The following KLRG2 variants were observed in gnomAD, a reference collection of about 807,000 sequenced individuals.
The protein encoded by KLRG2 is killer cell lectin-like receptor subfamily G member 2.
KLRG2 carries 39 observed loss-of-function variants against 35.4 expected under a neutral mutation model. That is an observed-to-expected ratio of 1.10 (90% CI 0.85 to 1.44). KLRG2 has a LOEUF of 1.44. Among genes scored for constraint, KLRG2 ranks in the 40% most tolerant of loss-of-function variants. The pLI is 0.00. For synonymous variants in KLRG2, 283 were observed against 265.8 expected (o/e 1.06, Z -0.63); for missense variants, 632 against 570.9 (o/e 1.11, Z -1.09).
chr7:139,482,899 G>A lies in KLRG2; in HGVS notation c.744C>T (p.Ala248=). ...GLDGDEKLPR[A]VTLTGLPMYV... ...GTGAGCACTCACCCGTAAGCGTTAC[G>A]GCCCGGGGCAGCTTCTCGTCGCCGT... The change falls in exon 1 of 5, where the codon GCC becomes GCT. Residue 248 remains alanine (A), a synonymous_variant. Coordinates refer to ENST00000340940, the MANE Select transcript of KLRG2 (RefSeq NM_198508.4). The A allele has an allele frequency of 6.7e-7, 1 of 1,482,858 alleles. No individual in the cohort carries two copies. Among genetic ancestry groups the A allele is most frequent in the Non-Finnish European group, 8.9e-7 (1 of 1,128,174 alleles). 91.9% of individuals were successfully genotyped at this position (1,482,858 alleles called of 1,614,324 possible). A position where few individuals can be genotyped will look rare whatever the true frequency, so the allele number is the denominator to read the frequency against.
chr7:139,454,114 TG>T lies in KLRG2; in HGVS notation c.1105del (p.Gln369SerfsTer64). The part of the protein sequence containing the change: ...HWIDEAPLPP[Q>X]LLPEDGEDNL... ...AGAAAAGCCCGTGGTCACTCACAGC[TG>T]GGGCGGGAGTGGGGCCTCGTCGATC... On this transcript the variant is annotated frameshift_variant, in exon 4 of 5. Coordinates refer to ENST00000340940, the MANE Select transcript of KLRG2 (RefSeq NM_198508.4). LOFTEE classifies it low-confidence loss of function (END_TRUNC). 1.3e-6 allele frequency: 2 copies of T among 1,524,392 alleles called. No individual in the cohort carries two copies. Among genetic ancestry groups the T allele is most frequent in the Non-Finnish European group, 8.9e-7 (1 of 1,123,202 alleles). The allele number at this position is 1,524,392 out of a possible 1,614,324, so 94.4% of individuals were successfully genotyped here. A position where few individuals can be genotyped will look rare whatever the true frequency, so the allele number is the denominator to read the frequency against.
At chr7:139,429,976 A>T in the KLRG2 span, among the ~76,000 whole-genome samples, 3 of 151,886 alleles carry the variant, frequency 2.0e-5, no homozygotes, top group African/African-American at 7.3e-5. Context: ...GACCCCCCCC[A>T]TATGGGTGTT....
intron 3 of KLRG2, among the ~76,000 whole-genome samples, chr7:139,463,272 C>A (rs193272095): frequency 3.3e-5 from 5 of 152,288 alleles, no homozygotes; most frequent in Non-Finnish European, 7.3e-5. Flanking sequence ...ATTCTTAATA[C>A]GCATTTTATT....
chr7:139,433,325 T>C, the KLRG2 span, among the ~76,000 whole-genome samples: 15 of 151,832 alleles, frequency 9.9e-5, no homozygotes, highest in African/African-American at 3.4e-4. Context: ...TTTTTTTGTT[T>C]GTTTGTTTGT....
rs1243543784 is a variant in KLRG2 at position 139,453,434 on chromosome 7, C to A, written c.*153G>T. On this transcript the variant is annotated 3_prime_UTR_variant, in exon 5 of 5. Transcript: ENST00000340940. ...CGGATGCATCTTCCTGGGTTGAAGT[C>A]CAGCTCCTAGGCTCGCTCATGTGGC... 2 of 744,160 alleles carry A rather than the reference C, an allele frequency of 2.7e-6. No homozygotes were observed. The highest frequency in any genetic ancestry group is 1.8e-5 in the African/African-American group (1 of 56,152). 46.1% of individuals were successfully genotyped at this position (744,160 alleles called of 1,614,324 possible).
At chr7:139,479,895 GA>G (rs1796925338) in intron 2 of KLRG2, 123 bp from the exon 3 acceptor site, 1 of 1,177,624 alleles carries the variant, frequency 8.5e-7, no homozygotes, top group Non-Finnish European at 1.2e-6. Context: ...GGGCCCCAGG[GA>G]GCTTTTATAG....
intron 3 of KLRG2, among the ~76,000 whole-genome samples, chr7:139,462,437 C>A (rs1400905901): frequency 2.6e-5 from 4 of 151,488 alleles, no homozygotes; most frequent in Non-Finnish European, 5.9e-5. Flanking sequence ...GGGGGGCAAG[C>A]ATCCCCCCAC....
At chr7:139,478,783 ACTC>A (rs569719256) in intron 3 of KLRG2, among the ~76,000 whole-genome samples, 61 of 151,612 alleles carry the variant, frequency 4.0e-4, no homozygotes, top group African/African-American at 1.5e-3. Context: ...GCAAACATCC[ACTC>A]CTCTCCCTCT....
chr7:139,451,464 T>C (rs1796374193), downstream of KLRG2, among the ~76,000 whole-genome samples: 2 of 152,048 alleles, frequency 1.3e-5, no homozygotes, highest in South Asian at 4.2e-4. Flanking sequence ...AGTGACACTG[T>C]GCTCCAGCCT....
rs554006466 is a variant in KLRG2 at position 139,457,813 on chromosome 7, T to C, written c.1006-3599A>G. On this transcript the variant is annotated intron_variant, in intron 3 of 4. Transcript: ENST00000340940. ...TTCCTTGCGTTTGAGACTCCTGATC[T>C]CATTGTTAGCAAAAATGGTGGTGTA... Among the ~76,000 whole-genome samples the C allele has an allele frequency of 3.3e-5, 5 of 152,200 alleles. No individual in the cohort carries two copies. In the South Asian group the frequency reaches 1.0e-3, roughly 32 times the overall value.
intron 3 of KLRG2, among the ~76,000 whole-genome samples, chr7:139,470,168 C>T (rs1216601837): frequency 6.6e-6 from 1 of 151,988 alleles, no homozygotes; most frequent in Admixed American, 6.6e-5. Flanking sequence ...AGCGATTCTC[C>T]TGCCCCAGCC....
At chr7:139,461,082 C>G (rs1235342616) in intron 3 of KLRG2, among the ~76,000 whole-genome samples, 1 of 152,092 alleles carries the variant, frequency 6.6e-6, no homozygotes, top group Non-Finnish European at 1.5e-5. Context: ...TATTTTGTCT[C>G]TACTAAAAAA....
chr7:139,472,762 G>A (rs887836341), intron 3 of KLRG2, among the ~76,000 whole-genome samples: 1 of 152,102 alleles, frequency 6.6e-6, no homozygotes, highest in Non-Finnish European at 1.5e-5. Context: ...AGCCCCCAAA[G>A]CTTAAGTATT....
At chr7:139,450,188 A>T (rs1447993991), downstream of KLRG2, among the ~76,000 whole-genome samples, 2 of 144,606 alleles carry the variant, frequency 1.4e-5, no homozygotes, top group Admixed American at 6.9e-5. Flanking sequence ...GATTATAGGC[A>T]CCCACCACCA....
At chr7:139,441,667 G>A in the KLRG2 span, among the ~76,000 whole-genome samples, 1 of 152,120 alleles carries the variant, frequency 6.6e-6, no homozygotes, top group Non-Finnish European at 1.5e-5. Context: ...AGCTACTTGG[G>A]AGGCTGAGGC....
the KLRG2 span, among the ~76,000 whole-genome samples, chr7:139,445,791 ATGTGTG>A: frequency 9.5e-4 from 113 of 119,540 alleles, no homozygotes; most frequent in African/African-American, 2.4e-3. Flanking sequence ...GTATATATAT[ATGTGTG>A]TATATATATA....
At chr7:139,456,110 A>G (rs1290572004) in intron 3 of KLRG2, among the ~76,000 whole-genome samples, 2 of 152,214 alleles carry the variant, frequency 1.3e-5, no homozygotes, top group Non-Finnish European at 2.9e-5. Flanking sequence ...TTAGGAGCAG[A>G]GCGGTATAAA....
At chr7:139,448,705 T>C (rs1458689120), downstream of KLRG2, 1 of 143,074 alleles carries the variant, frequency 7.0e-6, no homozygotes, top group African/African-American at 2.8e-5. Flanking sequence ...AAAATAATAA[T>C]AATAAATAAA....
rs143646635 is a variant in KLRG2, at chr7:139,475,827, G to A, written c.1005+3800C>T. On this transcript the variant is annotated intron_variant, in intron 3 of 4. Coordinates refer to ENST00000340940, the MANE Select transcript of KLRG2 (RefSeq NM_198508.4). ...AGGCCTGGACTTGCGACGGGCGTCT[G>A]AAGCTGGGCAGCCTTAGGGACTGAA... 2.1e-4 allele frequency among the ~76,000 whole-genome samples: 32 copies of A among 152,242 alleles called. No individual in the cohort carries two copies. In the East Asian group the frequency reaches 6.2e-3, roughly 29 times the overall value.
Sources: gnomAD v4.1 joint callset for allele counts (sites outside exome capture counted in the v4.1 genomes callset) on GRCh38, gnomAD v4.1.1 for gene constraint, MANE v1.5 for transcripts, NCBI Gene and HGNC (gene_info 2026-07-23, HGNC 2026-07-21) for gene names.